Variants in FARP1 observed in about 807,000 individuals in gnomAD.
FARP1 encodes the protein FERM, ARH/RhoGEF and pleckstrin domain protein 1.
FARP1 carries 52 observed loss-of-function variants against 128.8 expected under a neutral mutation model. The ratio of observed to expected loss-of-function variants is 0.40; its 90% CI spans 0.32 to 0.51. FARP1 has a LOEUF of 0.51. FARP1 is among the 20% of genes least tolerant of loss of function. The pLI is 0.45. For synonymous variants in FARP1, 580 were observed against 551.8 expected, an observed-to-expected ratio of 1.05 and a Z score of -0.72; for missense variants, 1,333 against 1,367.9, an observed-to-expected ratio of 0.97 and a Z score of 0.40.
At chr13:98,445,868 G>T in intron 24 of FARP1, 1 of 464,762 alleles carries the variant, frequency 2.2e-6, no homozygotes, top group Non-Finnish European at 3.9e-6. Flanking sequence ...TGTCTTTTGG[G>T]GGGACACAGG....
chr13:98,379,335 T>C lies in FARP1; in HGVS notation c.496+1417T>C, dbSNP rs1011566847. Among the ~76,000 whole-genome samples, 29 of 148,944 alleles carry C rather than the reference T, an allele frequency of 1.9e-4. 1 individual carries two copies. The highest frequency in any genetic ancestry group is 1.7e-3 in the Admixed American group (25 of 14,382). On this transcript the variant is annotated intron_variant, in intron 6 of 26. Coordinates refer to ENST00000319562, the MANE Select transcript of FARP1 (RefSeq NM_005766.4). ...CCTTATTTTACAGGGGAGGAATCCT[T>C]AGCACAGAACTTAATGTAATTTTTA... is the stretch of plus-strand genomic sequence containing the variant.
chr13:98,230,758 A>T (rs1882063560), intron 2 of FARP1, among the ~76,000 whole-genome samples: 1 of 152,192 alleles, frequency 6.6e-6, no homozygotes, highest in South Asian at 2.1e-4. Flanking sequence ...CGGGTAAAGG[A>T]GATGCATGCA....
chr13:98,331,095 A>G lies in FARP1; in HGVS notation c.172-12667A>G, dbSNP rs1176939297. ...TCTGTGTTGTAAACAAAGCAGAAGC[A>G]TCTTATTTCCCAGAACTGTGGTTTA... On this transcript the variant is annotated intron_variant, in intron 2 of 26. Coordinates refer to ENST00000319562, the MANE Select transcript of FARP1 (RefSeq NM_005766.4). Among the ~76,000 whole-genome samples, 5 of 152,340 alleles carry G rather than the reference A, an allele frequency of 3.3e-5. No individual in the cohort carries two copies. In the East Asian group the frequency reaches 7.7e-4, roughly 23 times the overall value.
chr13:98,385,931 C>A, intron 8 of FARP1, 117 bp downstream of exon 8: 1 of 1,129,718 alleles, frequency 8.9e-7, no homozygotes, highest in Non-Finnish European at 1.2e-6. Context: ...TTTCGGCGAA[C>A]AAAGAAAAAT....
chr13:98,165,710 G>GTTTTTTTTTTTTTTT (rs71111927), intron 1 of FARP1, among the ~76,000 whole-genome samples: 11 of 74,132 alleles, frequency 1.5e-4, no homozygotes, highest in Admixed American at 4.1e-4. Context: ...TCCAGAAGGG[G>GTTTTTTTTTTTTTTT]TTTTTTTTTT....
chr13:98,290,296 T>C (rs1402014966), intron 2 of FARP1, among the ~76,000 whole-genome samples: 3 of 152,006 alleles, frequency 2.0e-5, no homozygotes, highest in African/African-American at 4.8e-5. Flanking sequence ...CAAATGGATA[T>C]ATACATGTTC....
intron 2 of FARP1, among the ~76,000 whole-genome samples, chr13:98,337,494 A>G (rs1887791879): frequency 6.6e-6 from 1 of 151,444 alleles, no homozygotes; most frequent in Non-Finnish European, 1.5e-5. Context: ...AATGATGCCT[A>G]GATAAGTGGG....
intron 13 of FARP1, among the ~76,000 whole-genome samples, chr13:98,409,118 TA>T (rs2140112685): frequency 6.6e-6 from 1 of 152,290 alleles, no homozygotes; most frequent in Admixed American, 6.5e-5. Context: ...ATCTTATCAT[TA>T]ATTACGTAAT....
chr13:98,220,939 T>C (rs1881379829), intron 2 of FARP1, among the ~76,000 whole-genome samples: 1 of 152,190 alleles, frequency 6.6e-6, no homozygotes, highest in Non-Finnish European at 1.5e-5. Flanking sequence ...AAATGGGCCA[T>C]GATCTGAGAA....
intron 2 of FARP1, among the ~76,000 whole-genome samples, chr13:98,248,187 C>T (rs1883159754): frequency 6.6e-6 from 1 of 152,134 alleles, no homozygotes; most frequent in Non-Finnish European, 1.5e-5. Flanking sequence ...TAATATCTGG[C>T]ATGAGTAAAG....
At chr13:98,313,556 C>G (rs1886585613) in intron 2 of FARP1, among the ~76,000 whole-genome samples, 1 of 152,208 alleles carries the variant, frequency 6.6e-6, no homozygotes, top group African/African-American at 2.4e-5. Context: ...GAATAAACTT[C>G]TGTTCCTTTA....
chr13:98,343,104 G>C (rs1041376751), intron 2 of FARP1, among the ~76,000 whole-genome samples: 1 of 152,162 alleles, frequency 6.6e-6, no homozygotes, highest in African/African-American at 2.4e-5. Flanking sequence ...GCTACGTACT[G>C]TATGAGTCCT....
chr13:98,280,126 A>G (rs1328366903), intron 2 of FARP1, among the ~76,000 whole-genome samples: 4 of 152,232 alleles, frequency 2.6e-5, no homozygotes, highest in Non-Finnish European at 4.4e-5. Context: ...CATGACCTCA[A>G]TGCTGACTAT....
rs375791003 is a variant in FARP1 at position 98,409,497 on chromosome 13, C to T, written c.1574C>T (p.Thr525Met). 3.0e-5 allele frequency: 49 copies of T among 1,612,940 alleles called. No individual in the cohort carries two copies. The highest frequency in any genetic ancestry group is 7.7e-5 in the South Asian group (7 of 90,914). Residue 525 changes from threonine (T) to methionine (M), a missense_variant, in exon 14 of 27, where the codon ACG becomes ATG. Thr to Met is a moderately conservative substitution (Grantham distance 81). Around this residue, in one of 2 missense-constraint regions of FARP1, gnomAD observed 1,009 missense variants for 969.8 expected, o/e 1.04. Transcript: ENST00000319562. The part of the protein sequence containing the change: ...PLLNDQACPR[T>M]DDEDEGRRKR... ...CTGAATGACCAGGCCTGCCCCCGGA[C>T]GGACGATGAGGATGAGGGCCGGAGG...
chr13:98,183,075 C>T (rs1878636673), intron 1 of FARP1, among the ~76,000 whole-genome samples: 2 of 152,286 alleles, frequency 1.3e-5, no homozygotes, highest in South Asian at 4.1e-4. Flanking sequence ...GAATGGTGCT[C>T]ACTTTTTGGG....
chr13:98,214,007 G>A (rs1880906783), intron 2 of FARP1, among the ~76,000 whole-genome samples: 2 of 152,182 alleles, frequency 1.3e-5, no homozygotes, highest in African/African-American at 4.8e-5. Flanking sequence ...CTAGAGATGG[G>A]GAGGCCCTGC....
intron 2 of FARP1, among the ~76,000 whole-genome samples, chr13:98,215,715 T>A (rs1301354817): frequency 2.6e-5 from 4 of 152,046 alleles, no homozygotes; most frequent in Non-Finnish European, 4.4e-5. Context: ...ACTGTTAGAG[T>A]GAGTGTGAGT....
At chr13:98,200,754 A>T (rs1879887943) in intron 1 of FARP1, among the ~76,000 whole-genome samples, 1 of 152,190 alleles carries the variant, frequency 6.6e-6, no homozygotes, top group South Asian at 2.1e-4. Context: ...CTAAATGTAA[A>T]CAACACCCCA....
chr13:98,421,210 A>C (rs1324977689), intron 16 of FARP1, among the ~76,000 whole-genome samples: 2 of 152,224 alleles, frequency 1.3e-5, no homozygotes, highest in East Asian at 1.9e-4. Context: ...AGAGATACGG[A>C]TGTGGGAAGG....
Sources: allele counts gnomAD v4.1 joint callset (sites outside exome capture counted in the v4.1 genomes callset), GRCh38; gene constraint gnomAD v4.1.1; regional missense constraint gnomAD v4.1.1; transcripts MANE v1.5; gene names NCBI Gene and HGNC (gene_info 2026-07-23, HGNC 2026-07-21).